The following KANSL3 variants were observed in gnomAD, a reference collection of about 807,000 sequenced individuals.
The protein encoded by KANSL3 is KAT8 regulatory NSL complex subunit 3.
A neutral mutation model predicts 89.2 loss-of-function variants in KANSL3; 16 were observed. The ratio of observed to expected loss-of-function variants is 0.18; its 90% confidence interval spans 0.12 to 0.27. The LOEUF (loss-of-function observed/expected upper bound fraction) is 0.27, where lower values mean the gene tolerates loss of function less well. KANSL3 is among the 10% of genes least tolerant of loss of function. The pLI is 1.00. For missense variants in KANSL3, 879 were observed against 1,110.6 expected, an observed-to-expected ratio of 0.79 and a Z score of 2.96; for synonymous variants, 385 against 419.7, an observed-to-expected ratio of 0.92 and a Z score of 1.01.
In KANSL3 at chr2:96,595,137, C is replaced by G. The variant is rs1291329212; in HGVS notation, c.*474G>C. On this transcript the variant is annotated 3_prime_UTR_variant, in exon 21 of 21. Transcript: ENST00000431828. The stretch of plus-strand genomic sequence containing the variant: ...ACAAGCCCGTCCGGCTCTGAACCAC[C>G]AGTTGGCAGGCCAGGATGACTCCAG... The G allele has an allele frequency of 6.5e-6, 1 of 154,030 alleles. No individual in the cohort carries two copies. The highest frequency in any genetic ancestry group is 2.4e-5 in the African/African-American group (1 of 41,486). The allele number at this position is 154,030 out of a possible 1,614,324, so 9.5% of individuals were successfully genotyped here.
Position 96,608,872 on chromosome 2 carries a change from C to T in KANSL3, c.1576G>A (p.Gly526Ser). The T allele has an allele frequency of 1.9e-6, 3 of 1,579,898 alleles. No homozygotes were observed. Among genetic ancestry groups the T allele is most frequent in the Non-Finnish European group, 2.6e-6 (3 of 1,162,872 alleles). ...CTCCCTGCTCACACTACCTCTGAGCCTGAGGGTGAGGCGGGCAGCTTGGCA... is the reference window on the plus strand; with the variant it reads ...CTCCCTGCTCACACTACCTCTGAGCTTGAGGGTGAGGCGGGCAGCTTGGCA... ...PAAKLPASPSGSEDLSSVSSS... is the reference protein window; with the variant it reads ...PAAKLPASPSSSEDLSSVSSS... Residue 526 changes from glycine (G) to serine (S), a missense_variant, in exon 13 of 21, where the codon GGC (glycine) becomes AGC (serine). Gly to Ser is a moderately conservative substitution (Grantham distance 56). Around this residue, in one of 6 missense-constraint regions of KANSL3, gnomAD observed 317 missense variants for 311.2 expected, o/e 1.02. Transcript: ENST00000431828.
chr2:96,598,090 G>C (rs2066716386), intron 20 of KANSL3: 1 of 985,344 alleles, frequency 1.0e-6, no homozygotes. Context: ...CCTAACACAG[G>C]AGGAAGGGAT....
In KANSL3 at chr2:96,619,280, T is replaced by C. The variant is rs2070795618; in HGVS notation, c.663+79A>G. On this transcript the variant is annotated intron_variant, in intron 5 of 20. Transcript: ENST00000431828. Reference sequence around the variant, plus strand: ...CACTCCAGACCGACCAGATAATTACTTTGCCTAACCCCACATCCTGAACCC... The same window carrying C: ...CACTCCAGACCGACCAGATAATTACCTTGCCTAACCCCACATCCTGAACCC... The C allele has an allele frequency of 5.8e-6, 8 of 1,370,870 alleles. No individual in the cohort carries two copies. The South Asian group carries it at 7.1e-5, about 12-fold the overall frequency. 84.9% of individuals were successfully genotyped at this position (1,370,870 alleles called of 1,614,324 possible).
rs1029694449 is a variant in KANSL3, at chr2:96,604,260, G to C, written c.2139C>G (p.Ser713Arg). ...QSRLVATSPG[S>R]SLPGATSASS... ...TGGGCCACAAGATACCTGGGAGGGA[G>C]CTGCCAGGAGATGTGGCCACCAGGC... The change falls in exon 17 of 21, where the codon AGC becomes AGG. Residue 713 changes from serine to arginine, a missense_variant. Transcript: ENST00000431828. 7.5e-6 allele frequency: 12 copies of C among 1,606,338 alleles called. No homozygotes were observed. The highest frequency in any genetic ancestry group is 9.3e-6 in the Non-Finnish European group (11 of 1,177,108).
chr2:96,636,857 T>C, intron 2 of KANSL3, 64 bp downstream of exon 2: 2 of 1,323,716 alleles, frequency 1.5e-6, no homozygotes, highest in Non-Finnish European at 2.0e-6. Context: ...GAAAATCCTC[T>C]CTAAATTCCC....
Position 96,602,651 on chromosome 2 carries a change from C to T in KANSL3, c.2259+102G>A, listed in dbSNP as rs574629736. 4.2e-5 allele frequency: 38 copies of T among 908,924 alleles called. No individual in the cohort carries two copies. In the South Asian group the frequency reaches 6.1e-4, roughly 15 times the overall value. 56.3% of individuals were successfully genotyped at this position (908,924 alleles called of 1,614,324 possible). On this transcript the variant is annotated intron_variant, in intron 18 of 20. Coordinates refer to ENST00000431828, the MANE Select transcript of KANSL3 (RefSeq NM_001115016.3). ...CTATGTAGCTAGAAGGCTGTTTGTC[C>T]TTGATCCACTGACTCCAGACCTAGT...
Position 96,595,432 on chromosome 2 carries a change from T to A in KANSL3, c.*179A>T. ...TCCTGGACGATGGTGCTTCCCTTGC[T>A]GGCACCGTATCACCTAACCTAATGG... On this transcript the variant is annotated 3_prime_UTR_variant, in exon 21 of 21. Coordinates refer to ENST00000431828, the MANE Select transcript of KANSL3 (RefSeq NM_001115016.3). 1.7e-6 allele frequency: 1 copy of A among 582,726 alleles called. No individual in the cohort carries two copies. Among genetic ancestry groups the A allele is most frequent in the Non-Finnish European group, 3.0e-6 (1 of 329,942 alleles). The allele number at this position is 582,726 out of a possible 1,614,324, so 36.1% of individuals were successfully genotyped here. A position where few individuals can be genotyped will look rare whatever the true frequency, so the allele number is the denominator to read the frequency against.
intron 5 of KANSL3, among the ~76,000 whole-genome samples, chr2:96,618,524 A>G (rs967730916): frequency 6.6e-6 from 1 of 152,186 alleles, no homozygotes; most frequent in Admixed American, 6.5e-5. Context: ...AAACACCCCA[A>G]ATATTTCAAG....
At chr2:96,635,680 T>G (rs1298063572) in intron 2 of KANSL3, among the ~76,000 whole-genome samples, 1 of 152,204 alleles carries the variant, frequency 6.6e-6, no homozygotes, top group African/African-American at 2.4e-5. Flanking sequence ...AAAGACACTA[T>G]TCTGCACATG....
chr2:96,638,099 G>C (rs997742462), intron 1 of KANSL3, 184 bp downstream of exon 1: 2 of 151,816 alleles, frequency 1.3e-5, no homozygotes, highest in African/African-American at 2.4e-5. Flanking sequence ...AGGCCCAGAC[G>C]CGGCCCCTGC....
intron 3 of KANSL3, among the ~76,000 whole-genome samples, chr2:96,624,833 A>G (rs1183304263): frequency 6.6e-6 from 1 of 152,026 alleles, no homozygotes; most frequent in African/African-American, 2.4e-5. Flanking sequence ...CTATCTATCT[A>G]TATTTTATAT....
At chr2:96,621,566 T>C (rs750437828) in intron 3 of KANSL3, among the ~76,000 whole-genome samples, 2 of 150,738 alleles carry the variant, frequency 1.3e-5, no homozygotes, top group Non-Finnish European at 2.9e-5. Flanking sequence ...CATGTGCCTG[T>C]AGTTCCAGAT....
chr2:96,622,200 G>A (rs576526981), intron 3 of KANSL3, among the ~76,000 whole-genome samples: 64 of 152,290 alleles, frequency 4.2e-4, no homozygotes, highest in South Asian at 2.9e-3. Context: ...GAGGCAGGAG[G>A]ACAGCTTGGG....
chr2:96,607,094 G>T, intron 14 of KANSL3: 1 of 1,163,136 alleles, frequency 8.6e-7, no homozygotes, highest in Non-Finnish European at 1.1e-6. Context: ...AGCCAGAGAA[G>T]GGAGAAAAAG....
intron 3 of KANSL3, among the ~76,000 whole-genome samples, chr2:96,626,442 A>C (rs1309665059): frequency 6.6e-6 from 1 of 152,184 alleles, no homozygotes; most frequent in African/African-American, 2.4e-5. Context: ...ATTTATACAG[A>C]TACATACAAT....
Position 96,595,628 on chromosome 2 carries a change from G to T in KANSL3, c.2620C>A (p.Leu874Met). Reference sequence around the variant, plus strand: ...CAGCATCTTCAGGGTGCTGGAGGCAGGCGCTGTGGCAGGAGAGGTAGTGAA... The same window carrying T: ...CAGCATCTTCAGGGTGCTGGAGGCATGCGCTGTGGCAGGAGAGGTAGTGAA... ...SQVLPSSSQR[L>M]PPAP The change falls in exon 21 of 21, where the codon CTG (leucine) becomes ATG (methionine). Residue 874 changes from leucine (L) to methionine (M), a missense_variant. This residue lies in a region of KANSL3 where 61 missense variants were observed against 61.7 expected (regional missense o/e 0.99). Coordinates refer to ENST00000431828, the MANE Select transcript of KANSL3 (RefSeq NM_001115016.3). The T allele has an allele frequency of 6.2e-7, 1 of 1,613,886 alleles. No homozygotes were observed. The highest frequency in any genetic ancestry group is 8.5e-7 in the Non-Finnish European group (1 of 1,179,820).
Position 96,612,892 on chromosome 2 carries a change from C to A in KANSL3, c.838G>T (p.Gly280Cys). 6.4e-7 allele frequency: 1 copy of A among 1,570,354 alleles called. No individual in the cohort carries two copies. Among genetic ancestry groups the A allele is most frequent in the Non-Finnish European group, 8.6e-7 (1 of 1,157,838 alleles). ...GTGGGAAACACAGAGCTGGAGGGAC[C>A]AGAGGAGGCGATGAGAATCAGCGGA... Reference protein sequence around the residue: ...GSPLILIASSGPSSSVFPTSR... With the variant: ...GSPLILIASSCPSSSVFPTSR... The change falls in exon 7 of 21, where the codon GGT (glycine) becomes TGT (cysteine). Residue 280 changes from glycine to cysteine, a missense_variant. By Grantham distance (159) the Gly-to-Cys change is radical. This residue lies in a region of KANSL3 where 198 missense variants were observed against 260.3 expected (regional missense o/e 0.76). Coordinates refer to ENST00000431828, the MANE Select transcript of KANSL3 (RefSeq NM_001115016.3).
intron 2 of KANSL3, among the ~76,000 whole-genome samples, chr2:96,636,186 A>G (rs1468935006): frequency 6.6e-6 from 1 of 152,216 alleles, no homozygotes; most frequent in Non-Finnish European, 1.5e-5. Context: ...CTCTTCTCCA[A>G]AAGTTTACAA....
At position 96,609,174 on chromosome 2, in the gene KANSL3, T is replaced by G. The variant is rs915940851; in HGVS notation, c.1384-110A>C. The G allele has an allele frequency of 6.1e-6, 6 of 991,696 alleles. No individual in the cohort carries two copies. The Admixed American group carries it at 9.5e-5, about 16-fold the overall frequency. The allele number at this position is 991,696 out of a possible 1,614,324, so 61.4% of individuals were successfully genotyped here. ...TTCTCCCTCAGCTCTGGCATCCGCA[T>G]GTGCCAGTCCTTCCCCACTCAAACA... is the stretch of plus-strand genomic sequence containing the variant. On this transcript the variant is annotated intron_variant, in intron 12 of 20. Transcript: ENST00000431828.
Sources: gnomAD v4.1 joint callset for allele counts (sites outside exome capture counted in the v4.1 genomes callset) on GRCh38, gnomAD v4.1.1 for gene constraint, gnomAD v4.1.1 regional missense constraint, MANE v1.5 for transcripts, NCBI Gene and HGNC (gene_info 2026-07-23, HGNC 2026-07-21) for gene names.